The following TGFBR3 variants were observed in gnomAD, a reference collection of about 807,000 sequenced individuals.
The protein encoded by TGFBR3 is transforming growth factor beta receptor type 3.
TGFBR3 carries 46 observed loss-of-function variants against 87.9 expected under a neutral mutation model. That is an observed-to-expected ratio of 0.52 (90% CI 0.41 to 0.67). The LOEUF (loss-of-function observed/expected upper bound fraction) is 0.67, where lower values mean the gene tolerates loss of function less well. Among genes scored for constraint, TGFBR3 ranks in the 30% least tolerant of loss-of-function variants. The probability of loss-of-function intolerance (pLI) is 0.00; values close to 1 mark genes in which losing one functional copy is unlikely to be tolerated. For synonymous variants in TGFBR3, 381 were observed against 391.6 expected, an observed-to-expected ratio of 0.97 and a Z score of 0.32; for missense variants, 866 against 1,041.9, an observed-to-expected ratio of 0.83 and a Z score of 2.32.
chr1:91,706,979 T>C (rs1372045138), intron 14 of TGFBR3, among the ~76,000 whole-genome samples: 2 of 152,194 alleles, frequency 1.3e-5, no homozygotes, highest in East Asian at 3.9e-4. Context: ...TCAATAAAAG[T>C]AAAACAAACA....
At chr1:91,830,085 A>G (rs969209323) in intron 2 of TGFBR3, 1 of 152,140 alleles carries the variant, frequency 6.6e-6, no homozygotes, top group Non-Finnish European at 1.5e-5. Context: ...AGGGCCTGAA[A>G]TAAAATTTTC....
chr1:91,899,510 A>T (rs1336920005), intron 2 of TGFBR3: 2 of 151,970 alleles, frequency 1.3e-5, no homozygotes, highest in African/African-American at 4.8e-5. Flanking sequence ...TCACAAAAAA[A>T]CCTTTCTACT....
chr1:91,719,456 G>C lies in TGFBR3; in HGVS notation c.1422C>G (p.Gly474=), dbSNP rs1233197238. The change falls in exon 10 of 17, where the codon GGC becomes GGG. Residue 474 remains glycine (G), a synonymous_variant. Transcript: ENST00000212355. ...ACAGGGTGACGTCCATCCCCGAGTAGCCACTGGCCTAAAACAACAACCACC... is the reference window on the plus strand; with the variant it reads ...ACAGGGTGACGTCCATCCCCGAGTACCCACTGGCCTAAAACAACAACCACC... ...AVEKDSFQAS[G]YSGMDVTLLD... The C allele has an allele frequency of 6.2e-7, 1 of 1,613,938 alleles. No individual in the cohort carries two copies. Among genetic ancestry groups the C allele is most frequent in the African/African-American group, 1.3e-5 (1 of 74,888 alleles).
At chr1:91,738,457 C>T (rs1247092425) in intron 4 of TGFBR3, among the ~76,000 whole-genome samples, 1 of 152,142 alleles carries the variant, frequency 6.6e-6, no homozygotes, top group Non-Finnish European at 1.5e-5. Flanking sequence ...TAAGTGAACT[C>T]TCGTCTTGAG....
intron 14 of TGFBR3, among the ~76,000 whole-genome samples, chr1:91,705,396 T>C (rs1191017809): frequency 2.0e-5 from 3 of 151,676 alleles, no homozygotes; most frequent in African/African-American, 4.8e-5. Context: ...GCTAATTTTT[T>C]TGGTTTTTTT....
rs780305406 is a variant in TGFBR3 at position 91,681,513 on chromosome 1, T to C, written c.*2226A>G. Reference sequence around the variant, plus strand: ...TCTCTCTTAAAAATATATATTTAAATATATTACAGAAGGTTTTAACCCTGT... The same window carrying C: ...TCTCTCTTAAAAATATATATTTAAACATATTACAGAAGGTTTTAACCCTGT... On this transcript the variant is annotated 3_prime_UTR_variant, in exon 17 of 17. Coordinates refer to ENST00000212355, the MANE Select transcript of TGFBR3 (RefSeq NM_003243.5). The C allele has an allele frequency of 1.2e-5, 4 of 345,442 alleles. 1 individual carries two copies. Among genetic ancestry groups the C allele is most frequent in the South Asian group, 9.7e-5 (4 of 41,042 alleles). 21.4% of individuals were successfully genotyped at this position (345,442 alleles called of 1,614,324 possible).
At chr1:91,729,121 G>T (rs956304044) in intron 6 of TGFBR3, among the ~76,000 whole-genome samples, 2 of 114,656 alleles carry the variant, frequency 1.7e-5, no homozygotes, top group Non-Finnish European at 3.3e-5. Flanking sequence ...TGGCTCTTTC[G>T]TATGTCACCA....
intron 16 of TGFBR3, among the ~76,000 whole-genome samples, chr1:91,694,012 T>C (rs1304604132): frequency 6.6e-6 from 1 of 152,186 alleles, no homozygotes; most frequent in African/African-American, 2.4e-5. Context: ...TGGAGTCTTA[T>C]TTATTTTGAG....
chr1:91,716,783 C>T lies in TGFBR3; in HGVS notation c.1567-75G>A. ...TGTGTTTGGTTCTGCCTCACACAAA[C>T]ACTCATGTAATCATTCTGATGCAAA... is the stretch of plus-strand genomic sequence containing the variant. On this transcript the variant is annotated intron_variant, in intron 10 of 16. Coordinates refer to ENST00000212355, the MANE Select transcript of TGFBR3 (RefSeq NM_003243.5). 5 of 1,546,382 alleles carry T rather than the reference C, an allele frequency of 3.2e-6. No individual in the cohort carries two copies. In the South Asian group the frequency reaches 5.6e-5, roughly 17 times the overall value.
intron 2 of TGFBR3, among the ~76,000 whole-genome samples, chr1:91,848,200 G>A (rs1316392948): frequency 6.6e-6 from 1 of 152,168 alleles, no homozygotes; most frequent in African/African-American, 2.4e-5. Flanking sequence ...AAATTGTCTA[G>A]GTGTTTGCAG....
At chr1:91,882,436 CA>C (rs1333643703) in intron 1 of TGFBR3, among the ~76,000 whole-genome samples, 4 of 149,866 alleles carry the variant, frequency 2.7e-5, no homozygotes, top group African/African-American at 9.8e-5. Flanking sequence ...CACACCCAGC[CA>C]AAAACTTTTT....
At chr1:91,884,149 G>C (rs1191223872) in intron 1 of TGFBR3, among the ~76,000 whole-genome samples, 1 of 151,760 alleles carries the variant, frequency 6.6e-6, no homozygotes, top group Non-Finnish European at 1.5e-5. Context: ...GTGAAACGCC[G>C]TCTCTACTAA....
Position 91,835,096 on chromosome 1 carries a change from C to T in TGFBR3, c.61+26375G>A, listed in dbSNP as rs1214566237. On this transcript the variant is annotated intron_variant, in intron 2 of 16. Transcript: ENST00000212355. ...CAGAGACCCAGCCACTGCCTATCCC[C>T]TGTCTGGCTCACAGCCCCATCATAG... 5.3e-5 allele frequency among the ~76,000 whole-genome samples: 8 copies of T among 152,068 alleles called. No homozygotes were observed. The South Asian group carries it at 1.0e-3, about 20-fold the overall frequency.
upstream of TGFBR3, among the ~76,000 whole-genome samples, chr1:91,889,646 A>G (rs573417200): frequency 6.6e-6 from 1 of 152,270 alleles, no homozygotes; most frequent in South Asian, 2.1e-4. Flanking sequence ...GCAAAGCTCT[A>G]TAAAAAAGGG....
intron 7 of TGFBR3, among the ~76,000 whole-genome samples, chr1:91,722,405 T>C (rs1370311711): frequency 7.2e-5 from 11 of 152,208 alleles, no homozygotes; most frequent in Admixed American, 6.5e-4. Context: ...GACATGTAAG[T>C]AGTTACATAC....
At chr1:91,738,235 T>C (rs1673029562) in intron 4 of TGFBR3, among the ~76,000 whole-genome samples, 1 of 152,242 alleles carries the variant, frequency 6.6e-6, no homozygotes, top group South Asian at 2.1e-4. Context: ...TCCATATATG[T>C]GAACACTGCA....
At chr1:91,693,857 T>G (rs1023525241) in intron 16 of TGFBR3, among the ~76,000 whole-genome samples, 1 of 152,202 alleles carries the variant, frequency 6.6e-6, no homozygotes, top group Non-Finnish European at 1.5e-5. Context: ...TCTGAACATG[T>G]CGGTATTCCT....
intron 4 of TGFBR3, among the ~76,000 whole-genome samples, chr1:91,750,268 C>T (rs1673490296): frequency 1.3e-5 from 2 of 152,234 alleles, no homozygotes; most frequent in Non-Finnish European, 2.9e-5. Context: ...ATTCACCAGC[C>T]TTAACCTAGC....
rs1283612761 is a variant in TGFBR3, at chr1:91,885,869, G to C, written c.-114+9C>G. ...GGCTGCAGCGCCGCGGGGCTGGGCC[G>C]GCACGTACCTCGGAGGCGGTGTGTC... On this transcript the variant is annotated intron_variant, in intron 1 of 16. Transcript: ENST00000212355. 2.7e-6 allele frequency: 1 copy of C among 367,876 alleles called. No homozygotes were observed. Among genetic ancestry groups the C allele is most frequent in the Non-Finnish European group, 5.5e-6 (1 of 183,282 alleles). The allele number at this position is 367,876 out of a possible 1,614,324, so 22.8% of individuals were successfully genotyped here. A position where few individuals can be genotyped will look rare whatever the true frequency, so the allele number is the denominator to read the frequency against.
Sources: gnomAD v4.1 joint callset for allele counts (sites outside exome capture counted in the v4.1 genomes callset) on GRCh38, gnomAD v4.1.1 for gene constraint, MANE v1.5 for transcripts, NCBI Gene and HGNC (gene_info 2026-07-23, HGNC 2026-07-21) for gene names.